Variants in CAMKMT observed in about 807,000 individuals in gnomAD.
CAMKMT encodes the protein calmodulin-lysine N-methyltransferase.
CAMKMT carries 53 observed loss-of-function variants against 48.0 expected under a neutral mutation model. That is an observed-to-expected ratio of 1.10 (90% CI 0.89 to 1.39). CAMKMT has a LOEUF of 1.39. CAMKMT is among the 40% of genes most tolerant of loss of function. The pLI is 0.00. For synonymous variants in CAMKMT, 165 were observed against 152.3 expected (o/e 1.08, Z -0.61); for missense variants, 428 against 402.7 (o/e 1.06, Z -0.54).
At chr2:44,673,524 G>GGAAGGAAGGAA (rs1558786891) in intron 3 of CAMKMT, among the ~76,000 whole-genome samples, 67 of 58,302 alleles carry the variant, frequency 1.1e-3, no homozygotes, top group African/African-American at 3.3e-3. Context: ...GAAGGAAGGA[G>GGAAGGAAGGAA]GGAAGGAAGA....
At chr2:44,441,920 T>C (rs1472176774) in intron 3 of CAMKMT, among the ~76,000 whole-genome samples, 1 of 152,222 alleles carries the variant, frequency 6.6e-6, no homozygotes, top group African/African-American at 2.4e-5. Flanking sequence ...CTTTGTTTTT[T>C]GTTTTTTCAT....
intron 3 of CAMKMT, among the ~76,000 whole-genome samples, chr2:44,536,211 CA>C (rs2104840230): frequency 6.6e-6 from 1 of 152,126 alleles, no homozygotes; most frequent in African/African-American, 2.4e-5. Context: ...TTGAACAGAA[CA>C]CAAACAAATG....
intron 3 of CAMKMT, among the ~76,000 whole-genome samples, chr2:44,525,146 TG>T (rs1671338347): frequency 1.3e-5 from 2 of 152,206 alleles, no homozygotes; most frequent in Non-Finnish European, 2.9e-5. Flanking sequence ...ATAGGTTAGA[TG>T]ACACAAAATA....
At chr2:44,748,848 C>A (rs1019113408) in intron 8 of CAMKMT, among the ~76,000 whole-genome samples, 1 of 152,078 alleles carries the variant, frequency 6.6e-6, no homozygotes, top group African/African-American at 2.4e-5. Flanking sequence ...GATATTATTG[C>A]CTCACTAAGG....
intron 3 of CAMKMT, among the ~76,000 whole-genome samples, chr2:44,548,658 G>C (rs1174939240): frequency 6.6e-6 from 1 of 152,210 alleles, no homozygotes; most frequent in African/African-American, 2.4e-5. Flanking sequence ...AGAGGTCAGA[G>C]ACGGGAAGTC....
intron 3 of CAMKMT, among the ~76,000 whole-genome samples, chr2:44,439,425 G>A (rs1005625119): frequency 1.3e-5 from 2 of 151,904 alleles, no homozygotes; most frequent in Non-Finnish European, 2.9e-5. Context: ...CAATCTAGTT[G>A]TTGTTCCACT....
At chr2:44,534,657 A>G (rs771184782) in intron 3 of CAMKMT, among the ~76,000 whole-genome samples, 4 of 152,200 alleles carry the variant, frequency 2.6e-5, no homozygotes, top group East Asian at 3.8e-4. Flanking sequence ...AGAAATTAAC[A>G]TGAAAATCAA....
At chr2:44,511,906 C>T (rs1016775613) in intron 3 of CAMKMT, among the ~76,000 whole-genome samples, 2 of 152,162 alleles carry the variant, frequency 1.3e-5, no homozygotes, top group African/African-American at 4.8e-5. Context: ...ACTCTGCCCA[C>T]CCCCCATCTT....
At chr2:44,754,029 G>A in intron 8 of CAMKMT, 26 bp from the exon 9 acceptor site, 2 of 1,598,612 alleles carry the variant, frequency 1.3e-6, no homozygotes, top group South Asian at 2.2e-5. Flanking sequence ...AGTTTAATCT[G>A]GATTCTGCTC....
At chr2:44,599,769 T>C (rs1670875570) in intron 3 of CAMKMT, among the ~76,000 whole-genome samples, 1 of 151,580 alleles carries the variant, frequency 6.6e-6, no homozygotes, top group South Asian at 2.1e-4. Context: ...AAGCCTGGAT[T>C]GGGCTATTTC....
At chr2:44,537,755 G>C (rs1022501197) in intron 3 of CAMKMT, among the ~76,000 whole-genome samples, 12 of 152,164 alleles carry the variant, frequency 7.9e-5, no homozygotes, top group African/African-American at 2.9e-4. Flanking sequence ...TAGAAACAGA[G>C]TCTTGCAATG....
chr2:44,605,186 A>G (rs998586063), intron 3 of CAMKMT, among the ~76,000 whole-genome samples: 1 of 152,196 alleles, frequency 6.6e-6, no homozygotes, highest in Non-Finnish European at 1.5e-5. Context: ...CCGTAAATAA[A>G]AGTGAATTTC....
chr2:44,408,806 A>G (rs1417326971), intron 3 of CAMKMT, among the ~76,000 whole-genome samples: 1 of 151,866 alleles, frequency 6.6e-6, no homozygotes, highest in African/African-American at 2.4e-5. Context: ...TAGTGGCATG[A>G]TCATGGCTCA....
intron 3 of CAMKMT, chr2:44,549,743 G>A (rs1667604165): frequency 2.0e-6 from 1 of 494,540 alleles, no homozygotes; most frequent in South Asian, 3.8e-5. Context: ...GTAAGCCTAT[G>A]TCCTACATGA....
chr2:44,687,489 A>T (rs189380168), intron 3 of CAMKMT, among the ~76,000 whole-genome samples: 1 of 152,196 alleles, frequency 6.6e-6, no homozygotes. Context: ...AAGGGAACCA[A>T]ATAGCTGCCA....
rs77465223 is a variant in CAMKMT at position 44,636,965 on chromosome 2, A to C, written c.377-67318A>C. Among the ~76,000 whole-genome samples, 1,107 of 152,320 alleles carry C rather than the reference A, an allele frequency of 7.3e-3. 16 individuals are homozygous for C. The highest frequency in any genetic ancestry group is 0.025 in the African/African-American group (1,040 of 41,568). The stretch of plus-strand genomic sequence containing the variant: ...CACATCACAAGCCAAGAACATTCTC[A>C]TTCTGAGTTCACTTGGCAGTAGATA... On this transcript the variant is annotated intron_variant, in intron 3 of 10. Coordinates refer to ENST00000378494, the MANE Select transcript of CAMKMT (RefSeq NM_024766.5).
intron 3 of CAMKMT, among the ~76,000 whole-genome samples, chr2:44,670,858 G>A (rs191170029): frequency 2.0e-5 from 3 of 152,044 alleles, no homozygotes; most frequent in East Asian, 3.9e-4. Context: ...AACATCTTTC[G>A]CCAATCCTCT....
intron 3 of CAMKMT, among the ~76,000 whole-genome samples, chr2:44,467,550 AC>A (rs1553397092): frequency 6.9e-5 from 10 of 145,566 alleles, no homozygotes; most frequent in Admixed American, 4.7e-4. Flanking sequence ...AGAAAAAAAA[AC>A]AAAAAAAAAC....
At chr2:44,416,217 A>C (rs183816056) in intron 3 of CAMKMT, among the ~76,000 whole-genome samples, 1 of 152,346 alleles carries the variant, frequency 6.6e-6, no homozygotes, top group Non-Finnish European at 1.5e-5. Flanking sequence ...TTCATATCTT[A>C]ACAGAACAAG....
Sources: gnomAD v4.1 joint callset for allele counts (sites outside exome capture counted in the v4.1 genomes callset) on GRCh38, gnomAD v4.1.1 for gene constraint, MANE v1.5 for transcripts, NCBI Gene and HGNC (gene_info 2026-07-23, HGNC 2026-07-21) for gene names.